BMP6: variants seen among roughly 807,000 people sequenced by gnomAD.
BMP6 encodes bone morphogenetic protein 6, also known as VG-1-R.
A neutral mutation model predicts 54.1 loss-of-function variants in BMP6; 17 were observed. The ratio of observed to expected loss-of-function variants is 0.31; its 90% CI spans 0.22 to 0.47. The LOEUF is 0.47. Ranked by LOEUF, BMP6 falls within the 20% of genes least tolerant of loss-of-function variation. The pLI is 1.00. For synonymous variants in BMP6, 328 were observed against 291.2 expected (o/e 1.13, Z -1.28); for missense variants, 720 against 690.4 (o/e 1.04, Z -0.48).
intron 1 of BMP6, among the ~76,000 whole-genome samples, chr6:7,732,403 G>C (rs926316388): frequency 1.3e-5 from 2 of 152,202 alleles, no homozygotes; most frequent in African/African-American, 4.8e-5. Context: ...ACCTCAGATG[G>C]TGTTTCCTCT....
In BMP6 at chr6:7,727,251, T is replaced by A; in HGVS notation, c.296T>A (p.Leu99His). The change falls in exon 1 of 7, where the codon CTC (leucine) becomes CAC (histidine). Residue 99 changes from leucine (L) to histidine (H), a missense_variant. Leu to His is a moderately conservative substitution (Grantham distance 99, BLOSUM62 -3). Around this residue, in one of 3 missense-constraint regions of BMP6, gnomAD observed 650 missense variants for 556.3 expected, o/e 1.17. Coordinates refer to ENST00000283147, the MANE Select transcript of BMP6 (RefSeq NM_001718.6). ...LPHRPRPLHG[L>H]QQPQPPALRQ... ...CACCGGCCCCGGCCCCTGCACGGCCTCCAACAGCCGCAGCCCCCGGCGCTC... is the reference window on the plus strand; with the variant it reads ...CACCGGCCCCGGCCCCTGCACGGCCACCAACAGCCGCAGCCCCCGGCGCTC... The A allele has an allele frequency of 6.2e-7, 1 of 1,606,080 alleles. No individual in the cohort carries two copies. Among genetic ancestry groups the A allele is most frequent in the Non-Finnish European group, 8.5e-7 (1 of 1,176,994 alleles).
chr6:7,834,865 A>G (rs905448414), intron 1 of BMP6, among the ~76,000 whole-genome samples: 2 of 152,186 alleles, frequency 1.3e-5, no homozygotes, highest in Non-Finnish European at 2.9e-5. Flanking sequence ...TATATACCTA[A>G]TTGTCATTTT....
At position 7,828,607 on chromosome 6, in the gene BMP6, C is replaced by T. The variant is rs550247516; in HGVS notation, c.665-16533C>T. Among the ~76,000 whole-genome samples the T allele has an allele frequency of 3.9e-5, 6 of 152,296 alleles. No individual in the cohort carries two copies. In the South Asian group the frequency reaches 6.2e-4, roughly 16 times the overall value. On this transcript the variant is annotated intron_variant, in intron 1 of 6. Transcript: ENST00000283147. ...TTGAGAAGTGTGGCTCCTTCAGGTCCGGATGGGTGGCTCCCTCATTCAACA... is the reference window on the plus strand; with the variant it reads ...TTGAGAAGTGTGGCTCCTTCAGGTCTGGATGGGTGGCTCCCTCATTCAACA...
chr6:7,815,892 A>G (rs1758518052), intron 1 of BMP6, among the ~76,000 whole-genome samples: 2 of 152,206 alleles, frequency 1.3e-5, no homozygotes, highest in Non-Finnish European at 2.9e-5. Context: ...AGCAAGAGGA[A>G]ACAGAACATA....
chr6:7,835,453 T>C (rs930716932), intron 1 of BMP6, among the ~76,000 whole-genome samples: 1 of 152,158 alleles, frequency 6.6e-6, no homozygotes, highest in African/African-American at 2.4e-5. Flanking sequence ...CTTAGTCAAG[T>C]GGAGGATATT....
chr6:7,788,032 T>C lies in BMP6; in HGVS notation c.665-57108T>C, dbSNP rs116523839. On this transcript the variant is annotated intron_variant, in intron 1 of 6. Transcript: ENST00000283147. Reference sequence around the variant, plus strand: ...ACTTTAAGTATAGTTTCACACCACATGTAATAAATGTGACCCTTTAGAGAT... The same window carrying C: ...ACTTTAAGTATAGTTTCACACCACACGTAATAAATGTGACCCTTTAGAGAT... 4.0e-3 allele frequency among the ~76,000 whole-genome samples: 606 copies of C among 152,272 alleles called. 6 individuals are homozygous for C. Among genetic ancestry groups the C allele is most frequent in the African/African-American group, 0.014 (590 of 41,566 alleles).
At chr6:7,843,502 C>A (rs1457497147) in intron 1 of BMP6, among the ~76,000 whole-genome samples, 1 of 147,582 alleles carries the variant, frequency 6.8e-6, no homozygotes, top group Non-Finnish European at 1.5e-5. Context: ...TTATGAAAAA[C>A]AACATGTGTA....
At chr6:7,854,384 T>A (rs72829210) in intron 2 of BMP6, among the ~76,000 whole-genome samples, 11,393 of 148,534 alleles carry the variant, frequency 0.077, 576 homozygotes, top group East Asian at 0.21. Context: ...AACATCTTTT[T>A]AAAAAAAAAA....
At chr6:7,835,452 G>A (rs911007727) in intron 1 of BMP6, among the ~76,000 whole-genome samples, 2 of 152,206 alleles carry the variant, frequency 1.3e-5, no homozygotes, top group African/African-American at 4.8e-5. Context: ...TCTTAGTCAA[G>A]TGGAGGATAT....
At chr6:7,784,969 T>A (rs1758000903) in intron 1 of BMP6, among the ~76,000 whole-genome samples, 1 of 152,188 alleles carries the variant, frequency 6.6e-6, no homozygotes, top group Non-Finnish European at 1.5e-5. Flanking sequence ...CCCCTAGAAC[T>A]TTTCCCATTT....
intron 3 of BMP6, 140 bp downstream of exon 3, chr6:7,861,739 T>G: frequency 7.7e-7 from 1 of 1,294,028 alleles, no homozygotes; most frequent in Non-Finnish European, 1.1e-6. Context: ...CCCCCATGAC[T>G]TGCATTGAGA....
intron 1 of BMP6, among the ~76,000 whole-genome samples, chr6:7,760,320 T>G (rs781018926): frequency 2.4e-4 from 36 of 152,298 alleles, no homozygotes; most frequent in Admixed American, 7.2e-4. Flanking sequence ...CCTAAATACC[T>G]TTGTCAGTCT....
At chr6:7,790,352 C>CA (rs140633317) in intron 1 of BMP6, among the ~76,000 whole-genome samples, 26,990 of 150,124 alleles carry the variant, frequency 0.18, 2,794 homozygotes, top group South Asian at 0.25. Flanking sequence ...CCATCTCTAC[C>CA]AAAAAAAATA....
intron 1 of BMP6, among the ~76,000 whole-genome samples, chr6:7,796,970 C>T (rs990743552): frequency 2.0e-5 from 3 of 152,168 alleles, no homozygotes; most frequent in Admixed American, 1.3e-4. Flanking sequence ...TGCGTTGTTT[C>T]TGTTTCTCTT....
intron 5 of BMP6, 147 bp downstream of exon 5, chr6:7,879,297 C>T: frequency 6.0e-6 from 5 of 828,290 alleles, no homozygotes; most frequent in Non-Finnish European, 9.7e-6. Flanking sequence ...CTCCCAAATG[C>T]TCAGGCTCCT....
At chr6:7,812,780 C>T (rs577145504) in intron 1 of BMP6, among the ~76,000 whole-genome samples, 1 of 152,016 alleles carries the variant, frequency 6.6e-6, no homozygotes, top group South Asian at 2.1e-4. Context: ...GTATTTTCAA[C>T]AGCTCTGTGA....
At chr6:7,759,237 C>A (rs1378810371) in intron 1 of BMP6, among the ~76,000 whole-genome samples, 2 of 152,176 alleles carry the variant, frequency 1.3e-5, no homozygotes, top group Admixed American at 1.3e-4. Context: ...TATCATCAAT[C>A]TTACCAGGAA....
rs555045992 is a variant in BMP6, at chr6:7,784,673, G to T, written c.664+57054G>T. On this transcript the variant is annotated intron_variant, in intron 1 of 6. Transcript: ENST00000283147. ...AACTTTAAATGACAATGTTTTATAT[G>T]AGCAAGGGGGAAGATCAAACACAAA... Among the ~76,000 whole-genome samples, 12 of 152,268 alleles carry T rather than the reference G, an allele frequency of 7.9e-5. No individual in the cohort carries two copies. The East Asian group carries it at 2.1e-3, about 27-fold the overall frequency.
intron 1 of BMP6, among the ~76,000 whole-genome samples, chr6:7,757,841 C>T (rs1275363630): frequency 6.6e-6 from 1 of 152,206 alleles, no homozygotes; most frequent in Non-Finnish European, 1.5e-5. Context: ...TGCAGGTTCC[C>T]TGTCTATTCC....
Sources: gnomAD v4.1 joint callset for allele counts (sites outside exome capture counted in the v4.1 genomes callset) on GRCh38, gnomAD v4.1.1 for gene constraint, gnomAD v4.1.1 regional missense constraint, MANE v1.5 for transcripts, NCBI Gene and HGNC (gene_info 2026-07-23, HGNC 2026-07-21) for gene names.